ERC1: variants seen among roughly 807,000 people sequenced by gnomAD.
ERC1 encodes ELKS/RAB6-interacting/CAST family member 1.
In ERC1, 56 loss-of-function variants were observed where a neutral mutation model predicts 132.0. The observed-to-expected ratio is 0.42, with a 90% CI of 0.34 to 0.53. ERC1 has a LOEUF of 0.53. Among genes scored for constraint, ERC1 ranks in the 20% least tolerant of loss-of-function variants. The pLI is 0.03. For missense variants in ERC1, 1,202 were observed against 1,349.9 expected (o/e 0.89, Z 1.72); for synonymous variants, 478 against 476.1 (o/e 1.00, Z -0.05).
At position 1,241,847 on chromosome 12, in the gene ERC1, C is replaced by CTTTTTTTTTTTTTTT. The variant is rs57016547; in HGVS notation, c.2487+4956_2487+4970dup. Among the ~76,000 whole-genome samples the CTTTTTTTTTTTTTTT allele has an allele frequency of 1.3e-3, 106 of 80,514 alleles. 3 individuals are homozygous for CTTTTTTTTTTTTTTT. The highest frequency in any genetic ancestry group is 8.6e-3 in the Middle Eastern group (1 of 116). The allele number at this position is 80,514 out of a possible 152,430, so 52.8% of individuals were successfully genotyped here. The stretch of plus-strand genomic sequence containing the variant: ...CCAATTTTTTGCATTTCTTCTTCTT[C>CTTTTTTTTTTTTTTT]TTTTTTTTTTTTTTTTTTTTTTTTT... On this transcript the variant is annotated intron_variant, in intron 13 of 18. Coordinates refer to ENST00000360905, the MANE Select transcript of ERC1 (RefSeq NM_178040.4).
intron 12 of ERC1, among the ~76,000 whole-genome samples, chr12:1,208,401 G>A (rs1957534173): frequency 6.6e-6 from 1 of 150,678 alleles, no homozygotes; most frequent in African/African-American, 2.5e-5. Context: ...TGTATTTTAT[G>A]TGTAGGCCGA....
At chr12:1,449,769 C>T (rs186398822) in intron 18 of ERC1, among the ~76,000 whole-genome samples, 20 of 152,128 alleles carry the variant, frequency 1.3e-4, no homozygotes, top group Non-Finnish European at 2.9e-5. Context: ...ATATTTGCAC[C>T]TGATATAATT....
At position 1,385,191 on chromosome 12, in the gene ERC1, A is replaced by G. The variant is rs938147613; in HGVS notation, c.2925+13214A>G. 4.6e-5 allele frequency among the ~76,000 whole-genome samples: 7 copies of G among 152,354 alleles called. No homozygotes were observed. In the South Asian group the frequency reaches 8.3e-4, roughly 18 times the overall value. ...ATATTCCCCTAGTCTACAGTGTTTA[A>G]CATTTCTTAATTTCAATTTCTGCTA... On this transcript the variant is annotated intron_variant, in intron 16 of 18. Coordinates refer to ENST00000360905, the MANE Select transcript of ERC1 (RefSeq NM_178040.4).
At chr12:1,223,621 C>G (rs997914256) in intron 12 of ERC1, among the ~76,000 whole-genome samples, 12 of 152,160 alleles carry the variant, frequency 7.9e-5, no homozygotes, top group African/African-American at 2.9e-4. Context: ...TATTTTCTTT[C>G]CCATCTTCGT....
chr12:1,228,372 A>G (rs566947315), intron 12 of ERC1, among the ~76,000 whole-genome samples: 167 of 48,680 alleles, frequency 3.4e-3, no homozygotes, highest in Non-Finnish European at 5.3e-3. Context: ...ATATACAACT[A>G]ATTTTTGTAT....
At chr12:1,272,237 T>C (rs899941720) in intron 14 of ERC1, among the ~76,000 whole-genome samples, 1 of 152,238 alleles carries the variant, frequency 6.6e-6, no homozygotes. Flanking sequence ...GGTAAAGCCA[T>C]AGTAAACATC....
At chr12:1,039,579 G>T (rs916467603) in intron 2 of ERC1, among the ~76,000 whole-genome samples, 2 of 151,586 alleles carry the variant, frequency 1.3e-5, no homozygotes, top group African/African-American at 4.8e-5. Flanking sequence ...CAAGAGAGAA[G>T]AATACAGTGA....
rs1368860741 is a variant in ERC1, at chr12:1,110,440, C to T, written c.1317+93C>T. Reference sequence around the variant, plus strand: ...CTAGTGATGATAAAGCCGTATTTTACACTCTTTTATCAGGTTTCAGGGAAG... The same window carrying T: ...CTAGTGATGATAAAGCCGTATTTTATACTCTTTTATCAGGTTTCAGGGAAG... On this transcript the variant is annotated intron_variant, in intron 5 of 18. Transcript: ENST00000360905. The T allele has an allele frequency of 5.8e-6, 6 of 1,040,144 alleles. No individual in the cohort carries two copies. In the East Asian group the frequency reaches 1.1e-4, roughly 18 times the overall value. 64.4% of individuals were successfully genotyped at this position (1,040,144 alleles called of 1,614,324 possible).
At chr12:1,095,450 G>A (rs1943900722) in intron 3 of ERC1, among the ~76,000 whole-genome samples, 1 of 150,880 alleles carries the variant, frequency 6.6e-6, no homozygotes, top group African/African-American at 2.4e-5. Flanking sequence ...ATATAAATTA[G>A]TCATTATTCT....
rs150473770 is a variant in ERC1 at position 1,239,963 on chromosome 12, A to C, written c.2487+3059A>C. 1.6e-3 allele frequency among the ~76,000 whole-genome samples: 248 copies of C among 152,280 alleles called. 1 individual carries two copies. The highest frequency in any genetic ancestry group is 6.8e-3 in the Middle Eastern group (2 of 294). The stretch of plus-strand genomic sequence containing the variant: ...CTAATAAGTTCCTGGGTGATGATAA[A>C]ATTCCTGGACCAGGAACCACATTTT... On this transcript the variant is annotated intron_variant, in intron 13 of 18. Coordinates refer to ENST00000360905, the MANE Select transcript of ERC1 (RefSeq NM_178040.4).
chr12:1,379,740 C>T (rs56228728), intron 16 of ERC1, among the ~76,000 whole-genome samples: 41,666 of 151,956 alleles, frequency 0.27, 6,109 homozygotes, highest in Middle Eastern at 0.34. Context: ...AGAAGTGACC[C>T]GAGAGAGGAA....
chr12:1,036,253 A>G (rs1969052546), intron 2 of ERC1, among the ~76,000 whole-genome samples: 3 of 138,440 alleles, frequency 2.2e-5, no homozygotes, highest in South Asian at 2.2e-4. Context: ...ACCTTGTGTA[A>G]TTCTTTGTCA....
At chr12:1,420,918 T>A (rs1456996167) in intron 17 of ERC1, among the ~76,000 whole-genome samples, 3 of 31,822 alleles carry the variant, frequency 9.4e-5, no homozygotes, top group Non-Finnish European at 2.2e-4. Context: ...TGGTTTTGGT[T>A]TGGGGGGGGG....
chr12:1,339,030 G>A (rs979827700), intron 15 of ERC1, among the ~76,000 whole-genome samples: 2 of 152,242 alleles, frequency 1.3e-5, no homozygotes. Context: ...ATTTGCACAT[G>A]CCAGCAACAG....
intron 15 of ERC1, among the ~76,000 whole-genome samples, chr12:1,353,448 A>G (rs569166742): frequency 2.6e-5 from 4 of 152,362 alleles, no homozygotes; most frequent in African/African-American, 9.6e-5. Context: ...AGGGTTACAA[A>G]GAGACAGCTC....
chr12:1,337,505 G>A (rs2083418464), intron 15 of ERC1, among the ~76,000 whole-genome samples: 1 of 152,002 alleles, frequency 6.6e-6, no homozygotes, highest in Admixed American at 6.6e-5. Flanking sequence ...CTTGTTGCTT[G>A]GTGCCTTTTA....
chr12:1,416,458 C>T (rs2092123370), intron 17 of ERC1, among the ~76,000 whole-genome samples: 1 of 152,206 alleles, frequency 6.6e-6, no homozygotes, highest in Non-Finnish European at 1.5e-5. Flanking sequence ...CAGAGGGTGT[C>T]TGTCCTTCCA....
intron 2 of ERC1, among the ~76,000 whole-genome samples, chr12:1,082,439 C>A (rs368903493): frequency 6.7e-6 from 1 of 150,004 alleles, no homozygotes; most frequent in African/African-American, 2.5e-5. Flanking sequence ...TAGGTGTGAG[C>A]CCCCGCGCCT....
chr12:1,006,173 T>C (rs1354674839), intron 1 of ERC1, among the ~76,000 whole-genome samples: 2 of 41,458 alleles, frequency 4.8e-5, no homozygotes, highest in Admixed American at 4.1e-4. Context: ...GCCAGGCTGG[T>C]CTTGAACTCC....
Sources: gnomAD v4.1 joint callset for allele counts (sites outside exome capture counted in the v4.1 genomes callset) on GRCh38, gnomAD v4.1.1 for gene constraint, MANE v1.5 for transcripts, NCBI Gene and HGNC (gene_info 2026-07-23, HGNC 2026-07-21) for gene names.